The following SNCAIP variants were observed in gnomAD, a reference collection of about 807,000 sequenced individuals.
SNCAIP encodes the protein synphilin-1.
Under a neutral mutation model 86.7 loss-of-function variants are expected in SNCAIP, and 43 were observed. The observed-to-expected ratio is 0.50, with a 90% CI of 0.39 to 0.64. SNCAIP has a LOEUF of 0.64. Among genes scored for constraint, SNCAIP ranks in the 30% least tolerant of loss-of-function variants. The pLI, the probability that SNCAIP is intolerant of heterozygous loss-of-function variation, is 0.00. For missense variants in SNCAIP, 981 were observed against 1,103.1 expected (o/e 0.89, Z 1.57); for synonymous variants, 417 against 427.2 (o/e 0.98, Z 0.29).
At chr5:122,421,738 C>T (rs887924089) in intron 3 of SNCAIP, among the ~76,000 whole-genome samples, 4 of 152,088 alleles carry the variant, frequency 2.6e-5, no homozygotes, top group African/African-American at 9.7e-5. Context: ...AATCAGTGGC[C>T]TGCAAGTTTC....
At chr5:122,359,101 A>G (rs1194211203) in intron 1 of SNCAIP, among the ~76,000 whole-genome samples, 1 of 152,152 alleles carries the variant, frequency 6.6e-6, no homozygotes, top group African/African-American at 2.4e-5. Context: ...TGTTTACATA[A>G]GAAATTTCAT....
At chr5:122,393,180 G>A (rs182485380) in intron 2 of SNCAIP, among the ~76,000 whole-genome samples, 14 of 152,160 alleles carry the variant, frequency 9.2e-5, no homozygotes, top group South Asian at 2.1e-4. Flanking sequence ...AACATGTTTC[G>A]ATTGTTTGGT....
intron 3 of SNCAIP, among the ~76,000 whole-genome samples, chr5:122,420,005 T>C (rs555006958): frequency 6.6e-6 from 1 of 152,328 alleles, no homozygotes; most frequent in African/African-American, 2.4e-5. Flanking sequence ...AGGTGTATGA[T>C]ATAGCAATAC....
intron 1 of SNCAIP, among the ~76,000 whole-genome samples, chr5:122,349,372 A>T (rs1482683208): frequency 2.0e-5 from 3 of 152,044 alleles, no homozygotes; most frequent in South Asian, 4.2e-4. Context: ...TTCCCAGGAG[A>T]TTCTAATGAC....
At chr5:122,384,774 G>C (rs1767744419) in intron 1 of SNCAIP, among the ~76,000 whole-genome samples, 1 of 152,146 alleles carries the variant, frequency 6.6e-6, no homozygotes, top group African/African-American at 2.4e-5. Context: ...ACATTCACTT[G>C]TATTCTTACA....
chr5:122,326,426 A>G (rs1754044177), intron 1 of SNCAIP, among the ~76,000 whole-genome samples: 1 of 152,078 alleles, frequency 6.6e-6, no homozygotes, highest in Non-Finnish European at 1.5e-5. Context: ...CAAATTCCCT[A>G]AAGAAGTAGT....
chr5:122,321,039 C>T (rs752215064), intron 1 of SNCAIP, among the ~76,000 whole-genome samples: 2 of 152,128 alleles, frequency 1.3e-5, no homozygotes, highest in African/African-American at 2.4e-5. Context: ...CAGATTTTCT[C>T]CTGAAGCATT....
intron 1 of SNCAIP, among the ~76,000 whole-genome samples, chr5:122,380,878 T>C (rs1766593448): frequency 6.6e-6 from 1 of 152,122 alleles, no homozygotes; most frequent in Admixed American, 6.5e-5. Context: ...TCCTGAGTTC[T>C]AGTTTGATTG....
chr5:122,398,628 G>A (rs1244246246), intron 2 of SNCAIP, among the ~76,000 whole-genome samples: 1 of 152,094 alleles, frequency 6.6e-6, no homozygotes, highest in Non-Finnish European at 1.5e-5. Flanking sequence ...TTGTTTGGAT[G>A]GCTGGCTTAA....
intron 1 of SNCAIP, among the ~76,000 whole-genome samples, chr5:122,330,372 C>T (rs1033824963): frequency 1.3e-5 from 2 of 152,136 alleles, no homozygotes; most frequent in Admixed American, 6.5e-5. Context: ...CCGCCTGCCT[C>T]GGCCTCCCAA....
intron 1 of SNCAIP, chr5:122,389,490 A>T (rs1768887450): frequency 6.6e-6 from 1 of 152,160 alleles, no homozygotes; most frequent in Admixed American, 6.5e-5. Flanking sequence ...AGTAGGAGAG[A>T]ATGTTGTTTT....
At chr5:122,389,681 C>G (rs1005380934) in intron 1 of SNCAIP, 1 of 152,000 alleles carries the variant, frequency 6.6e-6, no homozygotes, top group African/African-American at 2.4e-5. Context: ...TCATTGTAAG[C>G]CTTACTGTGA....
intron 1 of SNCAIP, among the ~76,000 whole-genome samples, chr5:122,352,106 G>C (rs1271632897): frequency 1.3e-5 from 2 of 152,150 alleles, no homozygotes; most frequent in Non-Finnish European, 2.9e-5. Flanking sequence ...GGTATTTTTA[G>C]TGAAAGTTAC....
chr5:122,430,903 A>G (rs1173556154), intron 5 of SNCAIP, among the ~76,000 whole-genome samples: 2 of 152,098 alleles, frequency 1.3e-5, no homozygotes, highest in Non-Finnish European at 2.9e-5. Flanking sequence ...TAGTTATATT[A>G]TTTGTATATA....
At chr5:122,406,265 C>T (rs1561685239) in intron 3 of SNCAIP, among the ~76,000 whole-genome samples, 1 of 152,164 alleles carries the variant, frequency 6.6e-6, no homozygotes, top group Non-Finnish European at 1.5e-5. Flanking sequence ...AAATAACCCT[C>T]CTCCCCCTGT....
chr5:122,360,294 G>T (rs1446118423), intron 1 of SNCAIP, among the ~76,000 whole-genome samples: 1 of 152,164 alleles, frequency 6.6e-6, no homozygotes, highest in Non-Finnish European at 1.5e-5. Context: ...TGGCACCAAT[G>T]GAATAGAATG....
chr5:122,452,916 C>T (rs1784002185), intron 10 of SNCAIP: 5 of 1,537,316 alleles, frequency 3.3e-6, no homozygotes, highest in Non-Finnish European at 4.4e-6. Flanking sequence ...TTTAATTGCA[C>T]CTCTCTAGGA....
chr5:122,426,745 A>G (rs1777444327), intron 5 of SNCAIP, among the ~76,000 whole-genome samples: 1 of 152,210 alleles, frequency 6.6e-6, no homozygotes, highest in African/African-American at 2.4e-5. Flanking sequence ...AACTACAGGC[A>G]GCTATCATGA....
intron 1 of SNCAIP, among the ~76,000 whole-genome samples, chr5:122,363,788 C>CTATTTATT (rs143825884): frequency 9.2e-4 from 131 of 142,908 alleles, no homozygotes; most frequent in African/African-American, 2.3e-3. Flanking sequence ...TTATTGTCAA[C>CTATTTATT]TATTTATTTA....
Sources: allele counts gnomAD v4.1 joint callset (sites outside exome capture counted in the v4.1 genomes callset), GRCh38; gene constraint gnomAD v4.1.1; transcripts MANE v1.5; gene names NCBI Gene and HGNC (gene_info 2026-07-23, HGNC 2026-07-21).